The following DPP10 variants were observed in gnomAD, a reference collection of about 807,000 sequenced individuals.
The protein encoded by DPP10 is dipeptidyl peptidase like 10.
In DPP10, 33 loss-of-function variants were observed where a neutral mutation model predicts 120.9. The observed-to-expected ratio is 0.27, with a 90% CI of 0.21 to 0.37. DPP10 has a LOEUF of 0.37. Ranked by LOEUF, DPP10 falls within the 10% of genes least tolerant of loss-of-function variation. The pLI, the probability that DPP10 is intolerant of heterozygous loss-of-function variation, is 1.00. For missense variants in DPP10, 816 were observed against 942.8 expected (o/e 0.87, Z 1.76); for synonymous variants, 337 against 326.1 (o/e 1.03, Z -0.36).
At chr2:114,602,244 T>C (rs1338185200) in intron 1 of DPP10, among the ~76,000 whole-genome samples, 3 of 151,860 alleles carry the variant, frequency 2.0e-5, no homozygotes, top group African/African-American at 7.3e-5. Context: ...GAAATCAAAG[T>C]ATATAAAGGT....
intron 3 of DPP10, among the ~76,000 whole-genome samples, chr2:115,435,550 A>G (rs1453662813): frequency 4.0e-5 from 6 of 151,038 alleles, no homozygotes; most frequent in Non-Finnish European, 8.9e-5. Context: ...ATTATTATTG[A>G]TTTTTTTTGC....
intron 1 of DPP10, among the ~76,000 whole-genome samples, chr2:115,155,225 TAATA>T (rs1220774645): frequency 6.6e-6 from 1 of 152,158 alleles, no homozygotes; most frequent in Non-Finnish European, 1.5e-5. Context: ...TGCACCAACC[TAATA>T]TTAGAAACTA....
At chr2:114,583,149 A>G (rs1234355459) in intron 1 of DPP10, among the ~76,000 whole-genome samples, 1 of 152,190 alleles carries the variant, frequency 6.6e-6, no homozygotes, top group Non-Finnish European at 1.5e-5. Context: ...TATGTCCCAT[A>G]TTTTGTTTAC....
At chr2:115,804,167 T>C (rs1049438107) in intron 19 of DPP10, among the ~76,000 whole-genome samples, 10 of 152,188 alleles carry the variant, frequency 6.6e-5, no homozygotes, top group Non-Finnish European at 1.2e-4. Flanking sequence ...TCTTCATGCT[T>C]CATTTCATTC....
At chr2:115,003,591 A>C (rs529679462) in intron 1 of DPP10, among the ~76,000 whole-genome samples, 1 of 152,304 alleles carries the variant, frequency 6.6e-6, no homozygotes, top group South Asian at 2.1e-4. Context: ...TTATAAGTTA[A>C]ATATGCTCAA....
rs748375989 is a variant in DPP10 at position 115,836,733 on chromosome 2, T to C, written c.2169T>C (p.His723=). The change falls in exon 24 of 26, where the codon CAT becomes CAC. Residue 723 remains histidine, a synonymous_variant. Coordinates refer to ENST00000410059, the MANE Select transcript of DPP10 (RefSeq NM_020868.6). ...AAGAAGAAAATATATTAATAATTCATGGAACTGCTGACAGTAAGTATTATA... is the reference window on the plus strand; with the variant it reads ...AAGAAGAAAATATATTAATAATTCACGGAACTGCTGACAGTAAGTATTATA... ...GLKEENILII[H]GTADTKVHFQ... The C allele has an allele frequency of 1.2e-6, 2 of 1,613,036 alleles. No homozygotes were observed. Among genetic ancestry groups the C allele is most frequent in the South Asian group, 2.2e-5 (2 of 90,900 alleles).
At position 114,502,794 on chromosome 2, in the gene DPP10, C is replaced by T. The variant is rs117383020; in HGVS notation, c.60+59956C>T. Among the ~76,000 whole-genome samples the T allele has an allele frequency of 1.1e-3, 175 of 152,236 alleles. 1 individual carries two copies. Among genetic ancestry groups the T allele is most frequent in the East Asian group, 0.011 (58 of 5,176 alleles). ...GACATCCTTGGGAGGGTTAAACCCA[C>T]GATCAAGTGACTCATACTTTCACAT... On this transcript the variant is annotated intron_variant, in intron 1 of 25. Coordinates refer to ENST00000410059, the MANE Select transcript of DPP10 (RefSeq NM_020868.6).
intron 1 of DPP10, among the ~76,000 whole-genome samples, chr2:115,040,973 G>A (rs1704592793): frequency 6.6e-6 from 1 of 151,954 alleles, no homozygotes; most frequent in Non-Finnish European, 1.5e-5. Context: ...ACAAAAATTA[G>A]CCGGGCATTG....
chr2:115,766,308 G>GTATATA (rs1680722727), intron 12 of DPP10, among the ~76,000 whole-genome samples: 3 of 62,476 alleles, frequency 4.8e-5, no homozygotes, highest in African/African-American at 1.6e-4. Context: ...GTGTGTGTGT[G>GTATATA]TGTATATATA....
rs541264938 is a variant in DPP10 at position 115,172,111 on chromosome 2, C to T, written c.61-137128C>T. Among the ~76,000 whole-genome samples, 98 of 152,324 alleles carry T rather than the reference C, an allele frequency of 6.4e-4. 2 individuals are homozygous for T. Among genetic ancestry groups the T allele is most frequent in the African/African-American group, 2.1e-3 (88 of 41,568 alleles). On this transcript the variant is annotated intron_variant, in intron 1 of 25. Transcript: ENST00000410059. ...AATGTAGTAGCAATTGGGTGAATCC[C>T]TCCTAAAGGAGAGATGCTCTTAACA...
At chr2:115,417,762 A>G (rs904894832) in intron 3 of DPP10, among the ~76,000 whole-genome samples, 1 of 152,182 alleles carries the variant, frequency 6.6e-6, no homozygotes, top group Non-Finnish European at 1.5e-5. Flanking sequence ...TTCTTCTCCT[A>G]TGCTGTGCTC....
At position 115,015,475 on chromosome 2, in the gene DPP10, A is replaced by T. The variant is rs62164477; in HGVS notation, c.61-293764A>T. 7.2e-3 allele frequency among the ~76,000 whole-genome samples: 1,096 copies of T among 152,306 alleles called. 10 individuals are homozygous for T. The highest frequency in any genetic ancestry group is 0.025 in the African/African-American group (1,049 of 41,570). On this transcript the variant is annotated intron_variant, in intron 1 of 25. Transcript: ENST00000410059. Reference sequence around the variant, plus strand: ...ATGACCTCTCTCACTACTCCTATTCAACATAGTACTGGAAGTTCTGGCCAG... The same window carrying T: ...ATGACCTCTCTCACTACTCCTATTCTACATAGTACTGGAAGTTCTGGCCAG...
At chr2:115,364,045 ATGCTTCAGGTCATTAAATAAGGAGG>A (rs2064941917) in intron 3 of DPP10, among the ~76,000 whole-genome samples, 1 of 24,018 alleles carries the variant, frequency 4.2e-5, no homozygotes, top group African/African-American at 1.2e-4. Context: ...GTGGAGGTAG[ATGCTTCAGGTCATTAAATAAGGAGG>A]GATTAAAATA....
At chr2:115,735,042 G>A (rs1015485130) in intron 8 of DPP10, among the ~76,000 whole-genome samples, 1 of 152,158 alleles carries the variant, frequency 6.6e-6, no homozygotes, top group Non-Finnish European at 1.5e-5. Context: ...GTGGCTTTTG[G>A]TTGGGCGAAG....
chr2:114,799,355 GGCTGCC>G (rs1231341350), intron 1 of DPP10, among the ~76,000 whole-genome samples: 5 of 152,152 alleles, frequency 3.3e-5, no homozygotes, highest in African/African-American at 1.2e-4. Flanking sequence ...GAATTAGTAG[GGCTGCC>G]TTCTCATTCA....
chr2:115,117,500 C>T (rs1175361661), intron 1 of DPP10, among the ~76,000 whole-genome samples: 3 of 152,056 alleles, frequency 2.0e-5, no homozygotes, highest in Admixed American at 1.3e-4. Flanking sequence ...CCCAGCCACT[C>T]GAGAGGATGA....
At chr2:114,911,499 G>A (rs150181690) in intron 1 of DPP10, among the ~76,000 whole-genome samples, 1 of 152,290 alleles carries the variant, frequency 6.6e-6, no homozygotes, top group Non-Finnish European at 1.5e-5. Context: ...ATTCATCATT[G>A]CAAGGTTCAT....
At chr2:114,540,408 T>C (rs1255652674) in intron 1 of DPP10, among the ~76,000 whole-genome samples, 4 of 152,088 alleles carry the variant, frequency 2.6e-5, no homozygotes. Context: ...GTACAATGAG[T>C]GGTATAATTA....
intron 1 of DPP10, among the ~76,000 whole-genome samples, chr2:114,829,181 C>T (rs1489910829): frequency 2.0e-5 from 3 of 151,722 alleles, no homozygotes; most frequent in South Asian, 2.1e-4. Context: ...CTCAGCTACT[C>T]GGGAGGCTGA....
Sources: allele counts gnomAD v4.1 joint callset (sites outside exome capture counted in the v4.1 genomes callset), GRCh38; gene constraint gnomAD v4.1.1; transcripts MANE v1.5; gene names NCBI Gene and HGNC (gene_info 2026-07-23, HGNC 2026-07-21).